The following SHANK1 variants were observed in gnomAD, a reference collection of about 807,000 sequenced individuals.
The protein encoded by SHANK1 is SH3 and multiple ankyrin repeat domains 1, also known as SH3 and multiple ankyrin repeat domains protein 1.
SHANK1 carries 35 observed loss-of-function variants against 165.6 expected under a neutral mutation model. The observed-to-expected ratio is 0.21, with a 90% CI of 0.16 to 0.28. The LOEUF (loss-of-function observed/expected upper bound fraction) is 0.28, where lower values mean the gene tolerates loss of function less well. Ranked by LOEUF, SHANK1 falls within the 10% of genes least tolerant of loss-of-function variation. The pLI, the probability that SHANK1 is intolerant of heterozygous loss-of-function variation, is 1.00. For missense variants in SHANK1, 2,681 were observed against 3,036.4 expected, an observed-to-expected ratio of 0.88 and a Z score of 2.75; for synonymous variants, 1,428 against 1,384.8, an observed-to-expected ratio of 1.03 and a Z score of -0.69.
rs1985090622 is a variant in SHANK1 at position 50,659,285 on chromosome 19, TAAAG to T, written c.*2676_*2679del. On this transcript the variant is annotated 3_prime_UTR_variant, in exon 24 of 24. Coordinates refer to ENST00000293441, the MANE Select transcript of SHANK1 (RefSeq NM_016148.5). Reference sequence around the variant, plus strand: ...GGGGTGGATACTGTGAGTTTAATTATAAAGAATGACCTGGTACAAAAGCCATTTC... The same window carrying T: ...GGGGTGGATACTGTGAGTTTAATTATAATGACCTGGTACAAAAGCCATTTC... 4.8e-6 allele frequency: 3 copies of T among 627,156 alleles called. No homozygotes were observed. The highest frequency in any genetic ancestry group is 6.9e-6 in the Non-Finnish European group (3 of 433,642). The allele number at this position is 627,156 out of a possible 1,614,324, so 38.8% of individuals were successfully genotyped here. A position where few individuals can be genotyped will look rare whatever the true frequency, so the allele number is the denominator to read the frequency against.
At chr19:50,695,203 G>A (rs1986695813) in intron 15 of SHANK1, among the ~76,000 whole-genome samples, 1 of 141,020 alleles carries the variant, frequency 7.1e-6, no homozygotes, top group Non-Finnish European at 1.6e-5. Context: ...GAGGGGGCGC[G>A]CACCCCCTCC....
chr19:50,668,933 C>T lies in SHANK1; in HGVS notation c.3027G>A (p.Pro1009=). ...CGTGGTGGTGGTGGGGCTGAGGGGG[C>T]GGGGCGTGGTGGTGGTGGTGGTGGG... ...HPPHHHHHHA[P]PPQPHHHHAH... Residue 1009 remains proline, a synonymous_variant, in exon 23 of 24, where the codon CCG becomes CCA. Coordinates refer to ENST00000293441, the MANE Select transcript of SHANK1 (RefSeq NM_016148.5). 1.2e-5 allele frequency: 2 copies of T among 165,154 alleles called. No individual in the cohort carries two copies. Among genetic ancestry groups the T allele is most frequent in the Non-Finnish European group, 2.1e-5 (2 of 96,656 alleles). 10.2% of individuals were successfully genotyped at this position (165,154 alleles called of 1,614,324 possible).
intron 15 of SHANK1, among the ~76,000 whole-genome samples, chr19:50,695,223 G>A (rs1366351310): frequency 1.4e-5 from 2 of 140,094 alleles, no homozygotes; most frequent in African/African-American, 5.2e-5. Context: ...CCGCGGGAGG[G>A]AGGGCAGGGC....
chr19:50,687,325 A>G (rs1986382418), intron 19 of SHANK1, among the ~76,000 whole-genome samples: 1 of 151,768 alleles, frequency 6.6e-6, no homozygotes, highest in Non-Finnish European at 1.5e-5. Context: ...AGACAGAGAG[A>G]CCCGCAGAGA....
Position 50,660,593 on chromosome 19 carries a change from G to A in SHANK1, c.*1372C>T, listed in dbSNP as rs1985163226. On this transcript the variant is annotated 3_prime_UTR_variant, in exon 24 of 24. Coordinates refer to ENST00000293441, the MANE Select transcript of SHANK1 (RefSeq NM_016148.5). ...AGAGTGCATGGAATGAGATGAGTGTGCAAAAGGAAAGAAGTGGTAGAGCTC... is the reference window on the plus strand; with the variant it reads ...AGAGTGCATGGAATGAGATGAGTGTACAAAAGGAAAGAAGTGGTAGAGCTC... 6.6e-6 allele frequency among the ~76,000 whole-genome samples: 1 copy of A among 151,916 alleles called. No individual in the cohort carries two copies. Among genetic ancestry groups the A allele is most frequent in the Admixed American group, 6.6e-5 (1 of 15,236 alleles).
chr19:50,710,053 A>C (rs2088989887), intron 8 of SHANK1, among the ~76,000 whole-genome samples: 1 of 152,124 alleles, frequency 6.6e-6, no homozygotes, highest in Admixed American at 6.5e-5. Context: ...AGAAGGATGG[A>C]GCCTCAAAGA....
chr19:50,703,512 C>T lies in SHANK1; in HGVS notation c.1541G>A (p.Arg514Gln), dbSNP rs1462185829. The change falls in exon 11 of 24, where the codon CGA becomes CAA. Residue 514 changes from arginine (R) to glutamine (Q), a missense_variant. This residue lies in a region of SHANK1 where 195 missense variants were observed against 186.2 expected (regional missense o/e 1.05). Transcript: ENST00000293441. ...RHPEDAKRQP[R>Q]GRPSSSGTPR... ...CTGCCTCCCCTACCTGGGCCGGCCT[C>T]GGGGCTGCCTCTTGGCGTCCTCAGG... 7.1e-6 allele frequency: 11 copies of T among 1,540,984 alleles called. No homozygotes were observed. The highest frequency in any genetic ancestry group is 1.2e-5 in the South Asian group (1 of 84,278).
Position 50,662,622 on chromosome 19 carries a change from G to T in SHANK1, c.5829C>A (p.Asn1943Lys), listed in dbSNP as rs1035763147. The change falls in exon 24 of 24, where the codon AAC (asparagine) becomes AAA (lysine). Residue 1943 changes from asparagine (N) to lysine (K), a missense_variant. Around this residue, in one of 10 missense-constraint regions of SHANK1, gnomAD observed 1,713 missense variants for 1,630.2 expected, o/e 1.05. Coordinates refer to ENST00000293441, the MANE Select transcript of SHANK1 (RefSeq NM_016148.5). This position sits in a 1 kb window ranked among gnomAD's most constrained non-coding sequence, Gnocchi z 7.7. Reference protein sequence around the residue: ...LSKPVSSLFQNWPKPPLPPLP... With the variant: ...LSKPVSSLFQKWPKPPLPPLP... The stretch of plus-strand genomic sequence containing the variant: ...GTGGCGGCAGAGGTGGTTTGGGCCA[G>T]TTCTGAAACAGGCTGCTGACAGGCT... The T allele has an allele frequency of 3.2e-6, 5 of 1,565,602 alleles. No homozygotes were observed. In the Admixed American group the frequency reaches 7.6e-5, roughly 24 times the overall value.
chr19:50,697,836 G>T lies in SHANK1; in HGVS notation c.1861+7C>A, dbSNP rs757470790. 1 of 1,606,858 alleles carries T rather than the reference G, an allele frequency of 6.2e-7. No homozygotes were observed. Among genetic ancestry groups the T allele is most frequent in the Non-Finnish European group, 8.5e-7 (1 of 1,174,232 alleles). ...TCCATTGAACACTGCTGGGGGTTCC[G>T]CATTACCTTGCTTGCTCTCCTGAGA... On this transcript the variant is annotated splice_region_variant and intron_variant, in intron 13 of 23. Transcript: ENST00000293441. This position sits in a 1 kb window ranked among gnomAD's most constrained non-coding sequence, Gnocchi z 4.7.
chr19:50,709,329 G>C (rs1326733299), intron 8 of SHANK1, among the ~76,000 whole-genome samples: 2 of 152,044 alleles, frequency 1.3e-5, no homozygotes. Context: ...TTTTAGTAGA[G>C]ACGGGATTTC....
rs3810280 is a variant in SHANK1, at chr19:50,717,680, C to T, written c.-43-718G>A. On this transcript the variant is annotated intron_variant, in intron 1 of 23. Coordinates refer to ENST00000293441, the MANE Select transcript of SHANK1 (RefSeq NM_016148.5). The surrounding 1 kb of genome is among the most constrained non-coding windows in gnomAD (Gnocchi z 5.5). ...GACTGGGGCATCTTGAGAGGGTGTGCGGGTAGGTGGGGAGGTCGGCCTGGG... is the reference window on the plus strand; with the variant it reads ...GACTGGGGCATCTTGAGAGGGTGTGTGGGTAGGTGGGGAGGTCGGCCTGGG... Among the ~76,000 whole-genome samples, 20,890 of 151,810 alleles carry T rather than the reference C, an allele frequency of 0.14. 1,860 individuals are homozygous for T. Among genetic ancestry groups the T allele is most frequent in the East Asian group, 0.3 (1,547 of 5,140 alleles).
At chr19:50,691,896 G>C (rs1258393571) in intron 15 of SHANK1, among the ~76,000 whole-genome samples, 1 of 151,858 alleles carries the variant, frequency 6.6e-6, no homozygotes, top group South Asian at 2.1e-4. Flanking sequence ...TCTTTCCCAC[G>C]CTGGTCTTGA....
Position 50,668,020 on chromosome 19 carries a change from C to G in SHANK1, c.3940G>C (p.Gly1314Arg). The change falls in exon 23 of 24, where the codon GGG becomes CGG. Residue 1314 changes from glycine to arginine, a missense_variant. By Grantham distance (125) the Gly-to-Arg change is moderately radical. Around this residue, in one of 10 missense-constraint regions of SHANK1, gnomAD observed 1,713 missense variants for 1,630.2 expected, o/e 1.05. Coordinates refer to ENST00000293441, the MANE Select transcript of SHANK1 (RefSeq NM_016148.5). ...CCCCCGTAGGCTCGGCTACCGGCCC[C>G]GTAGCCGCCGTAGCCCGCGCCGCTG... Reference protein sequence around the residue: ...AGSGAGYGGYGAGSRAYGGGG... With the variant: ...AGSGAGYGGYRAGSRAYGGGG... 6.8e-7 allele frequency: 1 copy of G among 1,475,716 alleles called. No individual in the cohort carries two copies. The highest frequency in any genetic ancestry group is 8.9e-7 in the Non-Finnish European group (1 of 1,119,142). 91.4% of individuals were successfully genotyped at this position (1,475,716 alleles called of 1,614,324 possible).
Position 50,718,759 on chromosome 19 carries a change from G to C in SHANK1, c.-44+647C>G, listed in dbSNP as rs2089098026. On this transcript the variant is annotated intron_variant, in intron 1 of 23. Transcript: ENST00000293441. The surrounding 1 kb of genome is among the most constrained non-coding windows in gnomAD (Gnocchi z 5.1). Reference sequence around the variant, plus strand: ...GGAGGCGGGGAGGGGCGGGGAGAGAGAGCCGGAGCCGAGGCTGGGAAACTG... The same window carrying C: ...GGAGGCGGGGAGGGGCGGGGAGAGACAGCCGGAGCCGAGGCTGGGAAACTG... 6.8e-6 allele frequency among the ~76,000 whole-genome samples: 1 copy of C among 146,918 alleles called. No homozygotes were observed. The highest frequency in any genetic ancestry group is 2.5e-5 in the African/African-American group (1 of 39,642).
At chr19:50,707,950 T>A (rs955014782) in intron 8 of SHANK1, among the ~76,000 whole-genome samples, 3 of 114,570 alleles carry the variant, frequency 2.6e-5, no homozygotes, top group Admixed American at 1.0e-4. Context: ...TCTTTTCTTT[T>A]CTTTTCTTTT....
rs1235440251 is a variant in SHANK1, at chr19:50,686,933, G to C, written c.2390-121C>G. The C allele has an allele frequency of 7.3e-7, 1 of 1,377,322 alleles. No individual in the cohort carries two copies. Among genetic ancestry groups the C allele is most frequent in the Non-Finnish European group, 9.7e-7 (1 of 1,027,380 alleles). The allele number at this position is 1,377,322 out of a possible 1,614,324, so 85.3% of individuals were successfully genotyped here. On this transcript the variant is annotated intron_variant, in intron 19 of 23. Transcript: ENST00000293441. The surrounding 1 kb of genome is among the most constrained non-coding windows in gnomAD (Gnocchi z 5.7). ...GGGCGTGGCGGGCGCGAGAGGGGCA[G>C]TGAGGGGCCGGGGTCAGGGAGGGGC...
At chr19:50,669,429 T>C in intron 22 of SHANK1, 144 bp from the exon 23 acceptor site, 1 of 638,520 alleles carries the variant, frequency 1.6e-6, no homozygotes, top group Admixed American at 2.7e-5. Context: ...GCCCAGCTCT[T>C]CCCTATTTGA....
intron 3 of SHANK1, 52 bp from the exon 4 acceptor site, chr19:50,715,782 G>A (rs1387412452): frequency 6.5e-7 from 1 of 1,545,634 alleles, no homozygotes; most frequent in South Asian, 1.1e-5. Flanking sequence ...GGAATCAGGG[G>A]CCTGGGGAGA....
chr19:50,682,814 T>A (rs927962657), intron 21 of SHANK1, among the ~76,000 whole-genome samples: 1 of 152,168 alleles, frequency 6.6e-6, no homozygotes, highest in African/African-American at 2.4e-5. Flanking sequence ...AAAATCTTTT[T>A]AATCTTTTTC....
Sources: gnomAD v4.1 joint callset for allele counts (sites outside exome capture counted in the v4.1 genomes callset) on GRCh38, gnomAD v4.1.1 for gene constraint, gnomAD v4.1.1 regional missense constraint, Gnocchi (gnomAD v3.1) non-coding constraint, MANE v1.5 for transcripts, NCBI Gene and HGNC (gene_info 2026-07-23, HGNC 2026-07-21) for gene names.